The following CEACAM20 variants were observed in gnomAD, a reference collection of about 807,000 sequenced individuals.
CEACAM20 encodes cell adhesion molecule CEACAM20.
In CEACAM20, 50 loss-of-function variants were observed where a neutral mutation model predicts 61.2. That is an observed-to-expected ratio of 0.82 (90% CI 0.65 to 1.03). The LOEUF (loss-of-function observed/expected upper bound fraction) is 1.03. Among genes scored for constraint, CEACAM20 ranks in the 50% least tolerant of loss-of-function variants. CEACAM20 has a pLI of 0.00. For missense variants in CEACAM20, 683 were observed against 736.4 expected, an observed-to-expected ratio of 0.93 and a Z score of 0.84; for synonymous variants, 282 against 287.7, an observed-to-expected ratio of 0.98 and a Z score of 0.20.
Position 44,516,994 on chromosome 19 carries a change from A to G in CEACAM20, c.1261T>C (p.Ser421Pro), listed in dbSNP as rs1476063883. 10 of 1,598,632 alleles carry G rather than the reference A, an allele frequency of 6.3e-6. No homozygotes were observed. Among genetic ancestry groups the G allele is most frequent in the Non-Finnish European group, 8.5e-6 (10 of 1,173,104 alleles). The change falls in exon 6 of 12, where the codon TCT (serine) becomes CCT (proline). Residue 421 changes from serine (S) to proline (P), a missense_variant. Transcript: ENST00000614924. ...DGIYNCTASN[S>P]LTGLARSTSV... ...GTGGAGCGGGCCAGGCCAGTGAGAG[A>G]GTTGGAGGCTGTGCAGTTGTAGATC...
rs138293665 is a variant in CEACAM20 at position 44,525,048 on chromosome 19, G to C, written c.196+53C>G. ...ACTTTGGGCGTGAGGTTCGGATGAGGGATCTCCATGGAGGCAGAGATCAGA... is the reference window on the plus strand; with the variant it reads ...ACTTTGGGCGTGAGGTTCGGATGAGCGATCTCCATGGAGGCAGAGATCAGA... On this transcript the variant is annotated intron_variant, in intron 2 of 11. Transcript: ENST00000614924. 4.0e-4 allele frequency: 642 copies of C among 1,591,974 alleles called. 3 individuals carry two copies. The African/African-American group carries it at 7.6e-3, about 19-fold the overall frequency.
chr19:44,513,998 G>A (rs1441110036), intron 6 of CEACAM20, among the ~76,000 whole-genome samples: 1 of 152,152 alleles, frequency 6.6e-6, no homozygotes, highest in Non-Finnish European at 1.5e-5. Flanking sequence ...ATGTCAGTTA[G>A]GATAATGGAT....
chr19:44,528,952 CTTTCTTTT>C (rs1386644366), intron 1 of CEACAM20, among the ~76,000 whole-genome samples: 80 of 111,046 alleles, frequency 7.2e-4, no homozygotes, highest in African/African-American at 2.9e-3. Context: ...TTCTCTCTTT[CTTTCTTTT>C]TTTTTTTTTT....
At chr19:44,518,992 A>T (rs923295993) in intron 5 of CEACAM20, among the ~76,000 whole-genome samples, 4 of 152,110 alleles carry the variant, frequency 2.6e-5, no homozygotes, top group African/African-American at 9.7e-5. Context: ...TCTTGCTCTC[A>T]TTCAGGAATT....
Position 44,520,664 on chromosome 19 carries a change from A to G in CEACAM20, c.840T>C (p.Asn280=), listed in dbSNP as rs762737789. The G allele has an allele frequency of 1.2e-6, 2 of 1,613,992 alleles. No individual in the cohort carries two copies. The highest frequency in any genetic ancestry group is 2.2e-5 in the East Asian group (1 of 44,870). The change falls in exon 5 of 12, where the codon AAT becomes AAC. Residue 280 remains asparagine (N), a synonymous_variant. Transcript: ENST00000614924. ...GGAACCACTGGACATTCACACTCTG[A>G]TTGACGGTTTGGCAGGTCAGGTCCA... The part of the protein sequence containing the change: ...RSVDLTCQTV[N]QSVNVQWFLS...
intron 5 of CEACAM20, among the ~76,000 whole-genome samples, chr19:44,518,307 C>T (rs1331056782): frequency 6.6e-6 from 1 of 152,040 alleles, no homozygotes; most frequent in Non-Finnish European, 1.5e-5. Context: ...TCCCTAACTT[C>T]TAGTACTGTG....
At position 44,511,643 on chromosome 19, in the gene CEACAM20, G is replaced by A; in HGVS notation, c.1605C>T (p.Thr535=). 2.5e-6 allele frequency: 4 copies of A among 1,612,784 alleles called. No individual in the cohort carries two copies. The highest frequency in any genetic ancestry group is 2.5e-6 in the Non-Finnish European group (3 of 1,179,528). The change falls in exon 10 of 12, where the codon ACC becomes ACT. Residue 535 remains threonine, a synonymous_variant. Coordinates refer to ENST00000614924, the MANE Select transcript of CEACAM20 (RefSeq NM_001102597.3). ...LMQPPDLPEE[T]YETKLPSASR... is the part of the protein sequence containing the mutation. ...CCCAGCAGGGCCAATGTACCTCATA[G>A]GTCTCCTCTGGAAGGTCTGGTGGTT...
chr19:44,528,679 C>A (rs1010422954), intron 1 of CEACAM20, among the ~76,000 whole-genome samples: 3 of 151,844 alleles, frequency 2.0e-5, no homozygotes, highest in Non-Finnish European at 4.4e-5. Context: ...TCTGTGTACA[C>A]AGACACACAA....
chr19:44,516,164 C>T (rs1971147803), intron 6 of CEACAM20, among the ~76,000 whole-genome samples: 1 of 152,162 alleles, frequency 6.6e-6, no homozygotes, highest in Admixed American at 6.5e-5. Flanking sequence ...GACACTGTTA[C>T]CTTCTCAAGA....
chr19:44,518,041 A>T (rs916723683), intron 5 of CEACAM20, among the ~76,000 whole-genome samples: 3 of 150,994 alleles, frequency 2.0e-5, no homozygotes, highest in Non-Finnish European at 4.4e-5. Context: ...GTGCCACTGC[A>T]CTCCGTCCTA....
chr19:44,520,587 T>A lies in CEACAM20; in HGVS notation c.917A>T (p.Asn306Ile). 2 of 1,614,016 alleles carry A rather than the reference T, an allele frequency of 1.2e-6. No homozygotes were observed. The highest frequency in any genetic ancestry group is 1.1e-5 in the South Asian group (1 of 91,072). The change falls in exon 5 of 12, where the codon AAC becomes ATC. Residue 306 changes from asparagine (N) to isoleucine (I), a missense_variant. By Grantham distance (149) the Asn-to-Ile change is moderately radical. Coordinates refer to ENST00000614924, the MANE Select transcript of CEACAM20 (RefSeq NM_001102597.3). Reference protein sequence around the residue: ...PSEHLQLSADNRTLIIHGLQR... With the variant: ...PSEHLQLSADIRTLIIHGLQR... ...GAGGCCATGGATGATTAGGGTCCTG[T>A]TGTCAGCTGACAGCTGCAGGTGCTC... is the stretch of plus-strand genomic sequence containing the variant.
chr19:44,513,417 G>T, intron 6 of CEACAM20, 128 bp from the exon 7 acceptor site: 1 of 552,592 alleles, frequency 1.8e-6, no homozygotes, highest in South Asian at 2.5e-5. Context: ...TCGTTGGGAG[G>T]TATCAGATTG....
intron 11 of CEACAM20, among the ~76,000 whole-genome samples, chr19:44,507,077 C>G (rs757498949): frequency 1.3e-5 from 2 of 152,198 alleles, no homozygotes; most frequent in Non-Finnish European, 2.9e-5. Flanking sequence ...CTGACCTAAC[C>G]TTCTTCCCCA....
chr19:44,525,998 G>A (rs1022038633), intron 1 of CEACAM20, among the ~76,000 whole-genome samples: 1 of 152,226 alleles, frequency 6.6e-6, no homozygotes, highest in Non-Finnish European at 1.5e-5. Context: ...GTCAATGGCA[G>A]AAGCTAAACT....
chr19:44,519,688 G>C (rs150080324), intron 5 of CEACAM20, among the ~76,000 whole-genome samples: 2 of 152,078 alleles, frequency 1.3e-5, no homozygotes, highest in African/African-American at 4.8e-5. Context: ...CTCAACACCC[G>C]ACAGTTGCCA....
intron 1 of CEACAM20, 69 bp downstream of exon 1, chr19:44,529,384 ACACAC>A: frequency 2.3e-6 from 3 of 1,313,120 alleles, no homozygotes; most frequent in Non-Finnish European, 3.3e-6. Flanking sequence ...ACACACACAC[ACACAC>A]ACACACCGCT....
chr19:44,518,683 G>A (rs961295291), intron 5 of CEACAM20, among the ~76,000 whole-genome samples: 2 of 152,116 alleles, frequency 1.3e-5, no homozygotes, highest in African/African-American at 4.8e-5. Context: ...TAGGAGGGGA[G>A]GAATACCCTG....
chr19:44,516,348 C>G (rs901502676), intron 6 of CEACAM20, among the ~76,000 whole-genome samples: 1 of 152,164 alleles, frequency 6.6e-6, no homozygotes, highest in African/African-American at 2.4e-5. Flanking sequence ...GTGTCCCCAC[C>G]CAAATCTCAT....
chr19:44,508,337 A>G (rs567886973), intron 11 of CEACAM20, among the ~76,000 whole-genome samples: 3 of 152,312 alleles, frequency 2.0e-5, no homozygotes, highest in East Asian at 1.9e-4. Context: ...GACTGCTCTA[A>G]ACTTGTTACT....
Sources: gnomAD v4.1 joint callset for allele counts (sites outside exome capture counted in the v4.1 genomes callset) on GRCh38, gnomAD v4.1.1 for gene constraint, MANE v1.5 for transcripts, NCBI Gene and HGNC (gene_info 2026-07-23, HGNC 2026-07-21) for gene names.